Variants in USH2A observed in about 807,000 individuals in gnomAD.
USH2A encodes Usher syndrome 2A (autosomal recessive, mild).
USH2A carries 443 observed loss-of-function variants against 538.9 expected under a neutral mutation model. The ratio of observed to expected loss-of-function variants is 0.82; its 90% CI spans 0.76 to 0.89. USH2A has a LOEUF of 0.89. Among genes scored for constraint, USH2A ranks in the 40% least tolerant of loss-of-function variants. USH2A has a pLI of 0.00. For missense variants in USH2A, 6,633 were observed against 6,324.8 expected (o/e 1.05, Z -1.65); for synonymous variants, 2,413 against 2,273.5 (o/e 1.06, Z -1.75).
intron 11 of USH2A, among the ~76,000 whole-genome samples, chr1:216,272,428 C>T (rs186399705): frequency 9.3e-4 from 142 of 152,122 alleles, no homozygotes; most frequent in African/African-American, 3.3e-3. Context: ...CAAACTATTG[C>T]GTTTGTTCAT....
At chr1:215,715,799 G>T (rs539339583) in intron 61 of USH2A, among the ~76,000 whole-genome samples, 1 of 152,050 alleles carries the variant, frequency 6.6e-6, no homozygotes, top group Non-Finnish European at 1.5e-5. Flanking sequence ...GTAGTTAAGC[G>T]CGGCAGAAGG....
At chr1:215,761,119 C>T (rs1279003023) in intron 56 of USH2A, among the ~76,000 whole-genome samples, 3 of 152,142 alleles carry the variant, frequency 2.0e-5, no homozygotes, top group Non-Finnish European at 2.9e-5. Context: ...TAGTTATTTC[C>T]TACACCTGGG....
chr1:216,276,596 AC>A (rs1207124019), intron 11 of USH2A, among the ~76,000 whole-genome samples: 2 of 152,114 alleles, frequency 1.3e-5, no homozygotes, highest in African/African-American at 4.8e-5. Context: ...GTCTGTTTTC[AC>A]GCTGGTGATA....
At chr1:216,147,198 C>A (rs529777491) in intron 21 of USH2A, among the ~76,000 whole-genome samples, 4 of 152,024 alleles carry the variant, frequency 2.6e-5, no homozygotes, top group Admixed American at 1.3e-4. Flanking sequence ...TCTACAGACC[C>A]ATCTGACCTC....
In USH2A at chr1:216,130,561, TATATATA is replaced by T. The variant is rs1054977282; in HGVS notation, c.4628-33355_4628-33349del. 5.2e-3 allele frequency among the ~76,000 whole-genome samples: 751 copies of T among 145,538 alleles called. 8 individuals carry two copies. Among genetic ancestry groups the T allele is most frequent in the Non-Finnish European group, 7.9e-3 (527 of 66,850 alleles). On this transcript the variant is annotated intron_variant, in intron 21 of 71. Coordinates refer to ENST00000307340, the MANE Select transcript of USH2A (RefSeq NM_206933.4). ...ATATAAAATATATATTTATATATAT[TATATATA>T]ATATATAATATATAATACACATTAT...
At chr1:215,752,057 A>G (rs1258508050) in intron 58 of USH2A, among the ~76,000 whole-genome samples, 1 of 152,100 alleles carries the variant, frequency 6.6e-6, no homozygotes, top group East Asian at 1.9e-4. Flanking sequence ...TTTGTCATTA[A>G]AGAAGAAATG....
intron 30 of USH2A, among the ~76,000 whole-genome samples, chr1:216,055,470 A>G (rs533024957): frequency 1.7e-4 from 26 of 152,328 alleles, no homozygotes; most frequent in South Asian, 1.2e-3. Context: ...ATTTTTAAGT[A>G]TACATCCCAA....
intron 38 of USH2A, 64 bp from the exon 39 acceptor site, chr1:215,900,969 C>A: frequency 6.3e-7 from 1 of 1,597,696 alleles, no homozygotes; most frequent in Non-Finnish European, 8.6e-7. Flanking sequence ...TGGATGGAAT[C>A]GAAATGCTCC....
rs1253043440 is a variant in USH2A at position 215,888,845 on chromosome 1, C to T, written c.7804G>A (p.Ala2602Thr). 6.2e-7 allele frequency: 1 copy of T among 1,614,014 alleles called. No homozygotes were observed. Among genetic ancestry groups the T allele is most frequent in the South Asian group, 1.1e-5 (1 of 91,084 alleles). ...PYTAYKFQVE[A>T]CTSKGCSLSP... The stretch of plus-strand genomic sequence containing the variant: ...AGGGAACATCCTTTTGAAGTGCAGG[C>T]TTCTACCTGAAACTTATAGGCAGTG... Residue 2602 changes from alanine to threonine, a missense_variant, in exon 41 of 72, where the codon GCC becomes ACC. Coordinates refer to ENST00000307340, the MANE Select transcript of USH2A (RefSeq NM_206933.4).
At chr1:216,033,181 CTG>C (rs951729292) in intron 32 of USH2A, among the ~76,000 whole-genome samples, 35 of 152,162 alleles carry the variant, frequency 2.3e-4, no homozygotes, top group Non-Finnish European at 4.0e-4. Flanking sequence ...TCCTGAATGA[CTG>C]TGCAGAAAAA....
At chr1:216,367,811 G>A (rs2038628085) in intron 3 of USH2A, among the ~76,000 whole-genome samples, 1 of 152,180 alleles carries the variant, frequency 6.6e-6, no homozygotes, top group Non-Finnish European at 1.5e-5. Flanking sequence ...TGTAAAGACT[G>A]AGGTGGATTT....
At chr1:216,096,080 C>A (rs910393465) in intron 22 of USH2A, among the ~76,000 whole-genome samples, 3 of 152,160 alleles carry the variant, frequency 2.0e-5, no homozygotes, top group Admixed American at 2.0e-4. Flanking sequence ...CAAATGCTCA[C>A]TGATATTTGT....
intron 9 of USH2A, among the ~76,000 whole-genome samples, chr1:216,297,816 A>G (rs1162884291): frequency 6.6e-6 from 1 of 152,154 alleles, no homozygotes; most frequent in East Asian, 1.9e-4. Flanking sequence ...TCTATTGACA[A>G]TACTTCCTAA....
At chr1:215,895,295 TG>T (rs1172847319) in intron 40 of USH2A, among the ~76,000 whole-genome samples, 1 of 152,088 alleles carries the variant, frequency 6.6e-6, no homozygotes, top group African/African-American at 2.4e-5. Context: ...CAGACACTGG[TG>T]ATAGAAAGAT....
At position 216,091,945 on chromosome 1, in the gene USH2A, A is replaced by T. The variant is rs375497026; in HGVS notation, c.4759-2806T>A. On this transcript the variant is annotated intron_variant, in intron 22 of 71. Coordinates refer to ENST00000307340, the MANE Select transcript of USH2A (RefSeq NM_206933.4). ...GGTGTCTCATGTCTGTAATCCTAGC[A>T]CTTTGAGAGGCCAAGGTGGGAGGAT... is the stretch of plus-strand genomic sequence containing the variant. Among the ~76,000 whole-genome samples the T allele has an allele frequency of 5.9e-5, 9 of 152,146 alleles. No individual in the cohort carries two copies. The East Asian group carries it at 7.7e-4, about 13-fold the overall frequency.
chr1:215,648,212 C>T (rs535592093), intron 66 of USH2A, among the ~76,000 whole-genome samples: 43 of 152,320 alleles, frequency 2.8e-4, no homozygotes, highest in African/African-American at 9.9e-4. Flanking sequence ...AGAAGGAATG[C>T]TTCCAGATAA....
At position 216,084,805 on chromosome 1, in the gene USH2A, A is replaced by C. The variant is rs1431477162; in HGVS notation, c.5060T>G (p.Ile1687Ser). The change falls in exon 25 of 72, where the codon ATT becomes AGT. Residue 1687 changes from isoleucine to serine, a missense_variant. Transcript: ENST00000307340. ...HFMKNYNPSA[I>S]WEPLDWQSSE... ...ACTCTGCCAATCCAGAGGTTCCCAA[A>C]TAGCTGACGGATTGTAATTCTTCAT... 1.2e-6 allele frequency: 2 copies of C among 1,613,586 alleles called. No homozygotes were observed. Among genetic ancestry groups the C allele is most frequent in the Non-Finnish European group, 8.5e-7 (1 of 1,179,686 alleles).
At position 216,070,148 on chromosome 1, in the gene USH2A, C is replaced by A; in HGVS notation, c.6002G>T (p.Arg2001Leu). ...AAATTCAGCACTGGCAGAGGGCATG[C>A]GGGGTGGACGGGTGCTGTCCTCACT... ...AYSEDSTRPP[R>L]MPSASAEFVN... The change falls in exon 30 of 72, where the codon CGC becomes CTC. Residue 2001 changes from arginine (R) to leucine (L), a missense_variant. By Grantham distance (102) the Arg-to-Leu change is moderately radical. Transcript: ENST00000307340. 2 of 1,613,956 alleles carry A rather than the reference C, an allele frequency of 1.2e-6. No individual in the cohort carries two copies. Among genetic ancestry groups the A allele is most frequent in the Non-Finnish European group, 8.5e-7 (1 of 1,179,930 alleles).
intron 4 of USH2A, among the ~76,000 whole-genome samples, chr1:216,339,995 C>A (rs2038045378): frequency 6.6e-6 from 1 of 151,766 alleles, no homozygotes; most frequent in South Asian, 2.1e-4. Context: ...CAGAGCAGAA[C>A]TGAAGGAGAG....
Sources: allele counts gnomAD v4.1 joint callset (sites outside exome capture counted in the v4.1 genomes callset), GRCh38; gene constraint gnomAD v4.1.1; transcripts MANE v1.5; gene names NCBI Gene and HGNC (gene_info 2026-07-23, HGNC 2026-07-21).